INPP4B: variants seen among roughly 807,000 people sequenced by gnomAD.
The protein encoded by INPP4B is inositol polyphosphate 4-phosphatase type II.
A neutral mutation model predicts 122.5 loss-of-function variants in INPP4B; 55 were observed. That is an observed-to-expected ratio of 0.45 (90% CI 0.36 to 0.56). The LOEUF is 0.56. Among genes scored for constraint, INPP4B ranks in the 20% least tolerant of loss-of-function variants. The pLI is 0.00. For missense variants in INPP4B, 1,000 were observed against 1,097.7 expected, an observed-to-expected ratio of 0.91 and a Z score of 1.26; for synonymous variants, 403 against 388.7, an observed-to-expected ratio of 1.04 and a Z score of -0.43.
chr4:142,626,937 T>C (rs1031904995), intron 2 of INPP4B, among the ~76,000 whole-genome samples: 2 of 152,050 alleles, frequency 1.3e-5, no homozygotes, highest in Non-Finnish European at 2.9e-5. Flanking sequence ...TCAATGTATT[T>C]CTCATCCAAA....
intron 12 of INPP4B, among the ~76,000 whole-genome samples, chr4:142,214,348 A>G (rs1403795059): frequency 1.3e-5 from 2 of 152,084 alleles, no homozygotes; most frequent in Non-Finnish European, 2.9e-5. Flanking sequence ...TTTCAGCCCC[A>G]TTGGCTCTCC....
intron 7 of INPP4B, among the ~76,000 whole-genome samples, chr4:142,340,838 CA>C (rs200274622): frequency 3.3e-5 from 5 of 150,832 alleles, no homozygotes; most frequent in Admixed American, 3.3e-4. Flanking sequence ...CTAGAGTAGG[CA>C]AAAAAAATCA....
chr4:142,269,285 C>T (rs1316971396), intron 10 of INPP4B, among the ~76,000 whole-genome samples: 1 of 81,696 alleles, frequency 1.2e-5, no homozygotes, highest in Non-Finnish European at 2.7e-5. Context: ...TACCTCATTG[C>T]CTACCCTCCC....
chr4:142,116,432 T>A (rs1157662951), intron 21 of INPP4B, among the ~76,000 whole-genome samples: 1 of 152,150 alleles, frequency 6.6e-6, no homozygotes, highest in Non-Finnish European at 1.5e-5. Context: ...CCTTGGCAAA[T>A]GTAAAAGAAC....
intron 14 of INPP4B, among the ~76,000 whole-genome samples, chr4:142,197,664 A>G (rs1352626993): frequency 1.3e-5 from 2 of 152,184 alleles, no homozygotes; most frequent in Non-Finnish European, 2.9e-5. Context: ...GATCACAATA[A>G]AAGTTACTAA....
At chr4:142,527,689 A>T (rs1320535401) in intron 2 of INPP4B, among the ~76,000 whole-genome samples, 1 of 152,076 alleles carries the variant, frequency 6.6e-6, no homozygotes, top group African/African-American at 2.4e-5. Flanking sequence ...TTAACAATTC[A>T]TCTGATGTAA....
intron 7 of INPP4B, among the ~76,000 whole-genome samples, chr4:142,346,772 G>A (rs1318474690): frequency 6.6e-6 from 1 of 151,972 alleles, no homozygotes; most frequent in Non-Finnish European, 1.5e-5. Context: ...GTATAAATCA[G>A]AATCTTTCAA....
chr4:142,288,596 A>G (rs1362214394), intron 9 of INPP4B, among the ~76,000 whole-genome samples: 1 of 152,156 alleles, frequency 6.6e-6, no homozygotes, highest in Non-Finnish European at 1.5e-5. Context: ...AAGAAAAAAA[A>G]AGAAAAGGCT....
At chr4:142,049,741 A>T (rs1358015723) in intron 25 of INPP4B, among the ~76,000 whole-genome samples, 1 of 152,048 alleles carries the variant, frequency 6.6e-6, no homozygotes, top group Admixed American at 6.6e-5. Flanking sequence ...AAAACTAACC[A>T]TATAATCTAT....
At chr4:142,668,907 T>G (rs1208488171) in intron 2 of INPP4B, among the ~76,000 whole-genome samples, 1 of 150,866 alleles carries the variant, frequency 6.6e-6, no homozygotes, top group Non-Finnish European at 1.5e-5. Flanking sequence ...AAAAAAAAAT[T>G]AGCCGGGCGT....
chr4:142,166,731 C>T (rs191645753), intron 16 of INPP4B, among the ~76,000 whole-genome samples: 352 of 151,402 alleles, frequency 2.3e-3, no homozygotes, highest in Non-Finnish European at 4.3e-3. Flanking sequence ...GGGAAAAGTA[C>T]ATGAACAGAT....
chr4:142,555,383 A>G (rs943064236), intron 2 of INPP4B, among the ~76,000 whole-genome samples: 4 of 152,232 alleles, frequency 2.6e-5, no homozygotes, highest in African/African-American at 9.6e-5. Flanking sequence ...GAGCAGCTAT[A>G]GCATTGGAGA....
chr4:142,537,615 G>A (rs1828441127), intron 2 of INPP4B, among the ~76,000 whole-genome samples: 1 of 151,418 alleles, frequency 6.6e-6, no homozygotes, highest in South Asian at 2.1e-4. Context: ...GCAAAATGAT[G>A]GACAACAGGT....
intron 21 of INPP4B, among the ~76,000 whole-genome samples, chr4:142,114,247 A>C (rs1430198312): frequency 6.6e-6 from 1 of 152,064 alleles, no homozygotes; most frequent in East Asian, 1.9e-4. Context: ...GATTCGGCGT[A>C]TTATTAATAA....
At chr4:142,501,601 T>C (rs1049117823) in intron 2 of INPP4B, among the ~76,000 whole-genome samples, 2 of 151,460 alleles carry the variant, frequency 1.3e-5, no homozygotes, top group Non-Finnish European at 2.9e-5. Context: ...GTATCTAATA[T>C]CCAAATAAGA....
intron 25 of INPP4B, among the ~76,000 whole-genome samples, chr4:142,041,290 G>A (rs532521654): frequency 6.6e-6 from 1 of 152,128 alleles, no homozygotes; most frequent in South Asian, 2.1e-4. Flanking sequence ...TACTCAGAAC[G>A]TGCTCAATAG....
intron 8 of INPP4B, chr4:142,305,944 T>C (rs955553562): frequency 2.0e-6 from 2 of 1,017,140 alleles, no homozygotes; most frequent in Non-Finnish European, 2.4e-6. Context: ...ATTCCAGATA[T>C]GAGCAAATCT....
chr4:142,705,897 C>T (rs1435953968), intron 2 of INPP4B, among the ~76,000 whole-genome samples: 1 of 152,212 alleles, frequency 6.6e-6, no homozygotes, highest in Non-Finnish European at 1.5e-5. Context: ...CTCCACAGTG[C>T]AACCTGGGTG....
intron 2 of INPP4B, among the ~76,000 whole-genome samples, chr4:142,553,484 C>A (rs1025354974): frequency 6.6e-6 from 1 of 152,090 alleles, no homozygotes; most frequent in Admixed American, 6.5e-5. Flanking sequence ...TTGTGATTAC[C>A]CCACATGACA....
Sources: allele counts gnomAD v4.1 joint callset (sites outside exome capture counted in the v4.1 genomes callset), GRCh38; gene constraint gnomAD v4.1.1; transcripts MANE v1.5; gene names NCBI Gene and HGNC (gene_info 2026-07-23, HGNC 2026-07-21).